Variants in TTC29 observed in about 807,000 individuals in gnomAD.
TTC29 encodes tetratricopeptide repeat protein 29.
A neutral mutation model predicts 58.1 loss-of-function variants in TTC29; 49 were observed. The observed-to-expected ratio is 0.84, with a 90% confidence interval of 0.67 to 1.07. The LOEUF (loss-of-function observed/expected upper bound fraction) is 1.07. Ranked by LOEUF, TTC29 falls within the 50% of genes least tolerant of loss-of-function variation. The probability of loss-of-function intolerance (pLI) is 0.00; values close to 1 mark genes in which losing one functional copy is unlikely to be tolerated. For missense variants in TTC29, 582 were observed against 555.6 expected (o/e 1.05, Z -0.48); for synonymous variants, 209 against 196.8 (o/e 1.06, Z -0.52).
chr4:146,783,543 A>G (rs2150091141), intron 11 of TTC29, among the ~76,000 whole-genome samples: 1 of 152,216 alleles, frequency 6.6e-6, no homozygotes, highest in South Asian at 2.1e-4. Context: ...ATAAATCTAG[A>G]ATAATCTGCG....
At chr4:146,862,647 TC>T (rs1730309954) in intron 8 of TTC29, among the ~76,000 whole-genome samples, 1 of 152,280 alleles carries the variant, frequency 6.6e-6, no homozygotes, top group Non-Finnish European at 1.5e-5. Flanking sequence ...GTGTGCTGTG[TC>T]CAAGAAGCCA....
chr4:146,878,285 G>C (rs1407696047), intron 6 of TTC29, among the ~76,000 whole-genome samples: 1 of 152,162 alleles, frequency 6.6e-6, no homozygotes, highest in African/African-American at 2.4e-5. Context: ...CCAAAGTTCA[G>C]CTTTCAGAAG....
At chr4:146,897,462 A>T (rs944614279) in intron 6 of TTC29, among the ~76,000 whole-genome samples, 1 of 151,992 alleles carries the variant, frequency 6.6e-6, no homozygotes, top group Non-Finnish European at 1.5e-5. Flanking sequence ...GGTAAATCTT[A>T]CTATTTGTAT....
intron 11 of TTC29, among the ~76,000 whole-genome samples, chr4:146,760,002 G>A (rs925434339): frequency 6.6e-6 from 1 of 152,072 alleles, no homozygotes; most frequent in Non-Finnish European, 1.5e-5. Context: ...AACTGTCACT[G>A]TTTGCTGACA....
intron 11 of TTC29, among the ~76,000 whole-genome samples, chr4:146,749,680 T>C (rs1050274990): frequency 2.6e-5 from 4 of 152,142 alleles, no homozygotes; most frequent in Non-Finnish European, 4.4e-5. Flanking sequence ...GACATCCAGA[T>C]TGATGAAACT....
At chr4:146,931,614 T>C (rs1439818871) in intron 4 of TTC29, among the ~76,000 whole-genome samples, 1 of 152,166 alleles carries the variant, frequency 6.6e-6, no homozygotes, top group Non-Finnish European at 1.5e-5. Context: ...AGGAATCAGC[T>C]CCTATAATAG....
chr4:146,911,712 G>C lies in TTC29; in HGVS notation c.177-2463C>G, dbSNP rs114120737. Among the ~76,000 whole-genome samples the C allele has an allele frequency of 3.8e-3, 576 of 152,250 alleles. 6 individuals are homozygous for C. The highest frequency in any genetic ancestry group is 0.013 in the African/African-American group (533 of 41,540). ...GGGCTGCTACAGCTTCAGACATTAGGTCTACTTTCAAGACAGGAAGAAAAG... is the reference window on the plus strand; with the variant it reads ...GGGCTGCTACAGCTTCAGACATTAGCTCTACTTTCAAGACAGGAAGAAAAG... On this transcript the variant is annotated intron_variant, in intron 4 of 12. Coordinates refer to ENST00000325106, the MANE Select transcript of TTC29 (RefSeq NM_031956.4).
At chr4:146,920,426 T>A (rs577270188) in intron 4 of TTC29, among the ~76,000 whole-genome samples, 1 of 151,120 alleles carries the variant, frequency 6.6e-6, no homozygotes, top group African/African-American at 2.4e-5. Flanking sequence ...ACATGACAAG[T>A]TTTTAAGAGA....
chr4:146,903,903 CATTA>C (rs1469693220), intron 5 of TTC29, among the ~76,000 whole-genome samples, 174 bp from the exon 6 acceptor site: 1 of 152,016 alleles, frequency 6.6e-6, no homozygotes, highest in East Asian at 1.9e-4. Flanking sequence ...ATATTAATTA[CATTA>C]ATTAAAGGAT....
chr4:146,939,325 C>A (rs763126213), intron 3 of TTC29, among the ~76,000 whole-genome samples: 1 of 152,076 alleles, frequency 6.6e-6, no homozygotes, highest in African/African-American at 2.4e-5. Flanking sequence ...CATAGTGCTG[C>A]GTGCCTGTGG....
At chr4:146,894,304 G>A (rs1323412963) in intron 6 of TTC29, among the ~76,000 whole-genome samples, 1 of 151,964 alleles carries the variant, frequency 6.6e-6, no homozygotes, top group African/African-American at 2.4e-5. Context: ...TGATAGACTG[G>A]ATTAAGAAAA....
chr4:146,752,042 A>G (rs1239560617), intron 11 of TTC29, among the ~76,000 whole-genome samples: 2 of 152,066 alleles, frequency 1.3e-5, no homozygotes, highest in Non-Finnish European at 2.9e-5. Context: ...CTGCTATTCA[A>G]CATAGTGTTG....
At chr4:146,931,287 A>G (rs954590496) in intron 4 of TTC29, among the ~76,000 whole-genome samples, 2 of 152,226 alleles carry the variant, frequency 1.3e-5, no homozygotes, top group Admixed American at 6.5e-5. Context: ...GAAGCAAAAG[A>G]TATAACTATA....
At chr4:146,780,129 G>C (rs1283644972) in intron 11 of TTC29, among the ~76,000 whole-genome samples, 1 of 151,990 alleles carries the variant, frequency 6.6e-6, no homozygotes, top group Non-Finnish European at 1.5e-5. Context: ...AACACTACTT[G>C]CTTCCCCCAA....
At chr4:146,811,976 G>T (rs1751054518) in intron 10 of TTC29, among the ~76,000 whole-genome samples, 1 of 152,194 alleles carries the variant, frequency 6.6e-6, no homozygotes, top group Admixed American at 6.5e-5. Flanking sequence ...GTTTGCTGAG[G>T]TGAACAATTC....
At chr4:146,736,484 C>T (rs1744716748) in intron 11 of TTC29, among the ~76,000 whole-genome samples, 1 of 152,080 alleles carries the variant, frequency 6.6e-6, no homozygotes, top group African/African-American at 2.4e-5. Context: ...TTTCAAGCAA[C>T]AGTAATTGGA....
At chr4:146,851,598 T>G (rs1457545420) in intron 8 of TTC29, among the ~76,000 whole-genome samples, 1 of 152,208 alleles carries the variant, frequency 6.6e-6, no homozygotes, top group African/African-American at 2.4e-5. Flanking sequence ...GATAGCAAAT[T>G]TGCATCTGCA....
intron 11 of TTC29, among the ~76,000 whole-genome samples, chr4:146,721,489 A>T (rs891378179): frequency 2.6e-5 from 4 of 152,180 alleles, no homozygotes; most frequent in Non-Finnish European, 5.9e-5. Flanking sequence ...CTGTATCTGT[A>T]GCACCTTGCA....
At chr4:146,926,671 C>T (rs1734956216) in intron 4 of TTC29, among the ~76,000 whole-genome samples, 1 of 151,982 alleles carries the variant, frequency 6.6e-6, no homozygotes, top group South Asian at 2.1e-4. Context: ...CCATGTTGGC[C>T]AGGCTGGTCT....
Sources: gnomAD v4.1 joint callset for allele counts (sites outside exome capture counted in the v4.1 genomes callset) on GRCh38, gnomAD v4.1.1 for gene constraint, MANE v1.5 for transcripts, NCBI Gene and HGNC (gene_info 2026-07-23, HGNC 2026-07-21) for gene names.